PRKG1: variants seen among roughly 807,000 people sequenced by gnomAD.
The protein encoded by PRKG1 is protein kinase cGMP-dependent 1, also known as cGMP-dependent protein kinase 1.
A neutral mutation model predicts 88.1 loss-of-function variants in PRKG1; 35 were observed. The ratio of observed to expected loss-of-function variants is 0.40; its 90% CI spans 0.30 to 0.53. PRKG1 has a LOEUF of 0.53. PRKG1 is among the 20% of genes least tolerant of loss of function. The pLI is 0.59. For missense variants in PRKG1, 540 were observed against 839.8 expected, an observed-to-expected ratio of 0.64 and a Z score of 4.41; for synonymous variants, 303 against 292.5, an observed-to-expected ratio of 1.04 and a Z score of -0.37.
chr10:51,430,559 TTAAA>T (rs1406842268), intron 2 of PRKG1, among the ~76,000 whole-genome samples: 3 of 152,190 alleles, frequency 2.0e-5, no homozygotes, highest in African/African-American at 4.8e-5. Context: ...TTGCAGTTTC[TTAAA>T]TAAAGAACCT....
At position 51,012,580 on chromosome 10, in the gene PRKG1, A is replaced by G. The variant is rs150793275; in HGVS notation, c.266+20936A>G. Among the ~76,000 whole-genome samples the G allele has an allele frequency of 5.2e-4, 79 of 152,318 alleles. 1 individual carries two copies. In the East Asian group the frequency reaches 0.015, roughly 28 times the overall value. ...TATTCAGAATTAAGGCACGCATTTT[A>G]AAACATATTTGAAAGACCATTCACT... On this transcript the variant is annotated intron_variant, in intron 1 of 17. Transcript: ENST00000401604.
intron 2 of PRKG1, among the ~76,000 whole-genome samples, chr10:51,368,810 C>T (rs996925311): frequency 6.6e-6 from 1 of 152,022 alleles, no homozygotes; most frequent in African/African-American, 2.4e-5. Flanking sequence ...ACTGGCTTAA[C>T]CAAATTTTCT....
chr10:52,242,930 AAGAAAG>A (rs1840905656), intron 9 of PRKG1, among the ~76,000 whole-genome samples: 1 of 151,996 alleles, frequency 6.6e-6, no homozygotes, highest in Admixed American at 6.6e-5. Flanking sequence ...AGAGAAGAAG[AAGAAAG>A]AAGAAGAAAA....
At chr10:51,417,486 A>G (rs902381933) in intron 2 of PRKG1, among the ~76,000 whole-genome samples, 44 of 152,346 alleles carry the variant, frequency 2.9e-4, no homozygotes, top group African/African-American at 9.9e-4. Context: ...TGGAGAATGT[A>G]CAAGAGAAAA....
intron 3 of PRKG1, among the ~76,000 whole-genome samples, chr10:51,703,011 A>G (rs1017486854): frequency 2.6e-5 from 4 of 152,078 alleles, no homozygotes; most frequent in Non-Finnish European, 5.9e-5. Context: ...TGATTTTTGA[A>G]CTTCTACCCT....
At chr10:51,675,336 C>G (rs1840682771) in intron 3 of PRKG1, among the ~76,000 whole-genome samples, 1 of 152,124 alleles carries the variant, frequency 6.6e-6, no homozygotes, top group Non-Finnish European at 1.5e-5. Flanking sequence ...TGTGTGTACA[C>G]AAATATGAGT....
At chr10:51,226,023 G>A (rs1184749808) in intron 2 of PRKG1, among the ~76,000 whole-genome samples, 5 of 152,092 alleles carry the variant, frequency 3.3e-5, no homozygotes, top group Non-Finnish European at 7.4e-5. Context: ...GGGCAACACG[G>A]TGAAACACCG....
At chr10:51,420,316 G>C (rs1346175779) in intron 2 of PRKG1, among the ~76,000 whole-genome samples, 2 of 152,114 alleles carry the variant, frequency 1.3e-5, no homozygotes, top group Admixed American at 1.3e-4. Flanking sequence ...AATCAGCTGG[G>C]AATCTGCTTA....
chr10:51,670,464 C>T (rs536562680), intron 3 of PRKG1, among the ~76,000 whole-genome samples: 4 of 151,116 alleles, frequency 2.6e-5, no homozygotes, highest in Admixed American at 6.6e-5. Flanking sequence ...AGGCCGGGCG[C>T]GGTGGCTCAC....
chr10:51,875,978 C>A (rs1379720146), intron 4 of PRKG1, among the ~76,000 whole-genome samples: 1 of 150,764 alleles, frequency 6.6e-6, no homozygotes, highest in Non-Finnish European at 1.5e-5. Flanking sequence ...TTTCAGAGCA[C>A]ATGCCGTCAA....
Position 51,955,153 on chromosome 10 carries a change from C to T in PRKG1, c.762+47583C>T, listed in dbSNP as rs566072348. Among the ~76,000 whole-genome samples the T allele has an allele frequency of 2.6e-5, 4 of 152,142 alleles. No individual in the cohort carries two copies. The South Asian group carries it at 8.3e-4, about 31-fold the overall frequency. On this transcript the variant is annotated intron_variant, in intron 5 of 17. Coordinates refer to ENST00000373980, the MANE Select transcript of PRKG1 (RefSeq NM_006258.4). ...AATCTGTTGGGGAGTCTTTGAAAAG[C>T]AGTATCCAGATTTGTACCAGGAGGG...
intron 2 of PRKG1, among the ~76,000 whole-genome samples, chr10:51,351,475 T>G (rs1427400023): frequency 6.6e-6 from 1 of 152,142 alleles, no homozygotes; most frequent in Non-Finnish European, 1.5e-5. Context: ...GGTATCTCAT[T>G]GTGGTTTTGA....
chr10:51,886,431 T>C (rs928951048), intron 4 of PRKG1, among the ~76,000 whole-genome samples: 1 of 152,212 alleles, frequency 6.6e-6, no homozygotes, highest in African/African-American at 2.4e-5. Context: ...TCCCTAGAAT[T>C]AGAACAACCC....
chr10:51,924,731 C>A (rs879279865), intron 5 of PRKG1, among the ~76,000 whole-genome samples: 1 of 129,322 alleles, frequency 7.7e-6, no homozygotes, highest in Admixed American at 7.8e-5. Flanking sequence ...TTTTTTTTGT[C>A]ATTCCTGTTT....
At chr10:51,950,100 A>G (rs1463043371) in intron 5 of PRKG1, among the ~76,000 whole-genome samples, 1 of 152,214 alleles carries the variant, frequency 6.6e-6, no homozygotes, top group Non-Finnish European at 1.5e-5. Context: ...TGGACTACAT[A>G]ACTCCTACAT....
At chr10:51,519,876 A>G (rs1295964246) in intron 3 of PRKG1, among the ~76,000 whole-genome samples, 2 of 152,226 alleles carry the variant, frequency 1.3e-5, no homozygotes, top group Non-Finnish European at 2.9e-5. Context: ...ATGAGTTCAC[A>G]GCTGGCTGTA....
intron 1 of PRKG1, among the ~76,000 whole-genome samples, chr10:51,040,021 T>C (rs1349243432): frequency 6.6e-6 from 1 of 152,170 alleles, no homozygotes; most frequent in Non-Finnish European, 1.5e-5. Flanking sequence ...ATGCCTCCAA[T>C]TTTGTTCTTC....
chr10:51,262,173 A>T (rs945664807), intron 2 of PRKG1, among the ~76,000 whole-genome samples: 13 of 152,134 alleles, frequency 8.5e-5, no homozygotes, highest in African/African-American at 3.1e-4. Flanking sequence ...GGCTTGAGCC[A>T]CTGTGCCCGG....
At chr10:51,721,540 A>T (rs931307603) in intron 3 of PRKG1, among the ~76,000 whole-genome samples, 4 of 152,232 alleles carry the variant, frequency 2.6e-5, no homozygotes, top group African/African-American at 9.6e-5. Context: ...TATTCACCAC[A>T]GTAAACCGAA....
Sources: gnomAD v4.1 joint callset for allele counts (sites outside exome capture counted in the v4.1 genomes callset) on GRCh38, gnomAD v4.1.1 for gene constraint, MANE v1.5 for transcripts, NCBI Gene and HGNC (gene_info 2026-07-23, HGNC 2026-07-21) for gene names.